Variants in OCIAD1 observed in about 807,000 individuals in gnomAD.
OCIAD1 encodes the protein OCIA domain containing 1, also known as OCIA domain-containing protein 1.
Under a neutral mutation model 38.9 loss-of-function variants are expected in OCIAD1, and 29 were observed. That is an observed-to-expected ratio of 0.74 (90% CI 0.55 to 1.02). The LOEUF is 1.02. Among genes scored for constraint, OCIAD1 ranks in the 50% least tolerant of loss-of-function variants. The probability of loss-of-function intolerance (pLI) is 0.00; values close to 1 mark genes in which losing one functional copy is unlikely to be tolerated. For synonymous variants in OCIAD1, 110 were observed against 92.0 expected (o/e 1.20, Z -1.12); for missense variants, 288 against 289.6 (o/e 0.99, Z 0.04).
intron 1 of OCIAD1, among the ~76,000 whole-genome samples, chr4:48,805,972 T>C (rs1282381493): frequency 6.6e-6 from 1 of 152,164 alleles, no homozygotes; most frequent in African/African-American, 2.4e-5. Flanking sequence ...CATTTAAATT[T>C]GGAAAAACAG....
At chr4:48,842,851 G>C (rs981224392) in intron 4 of OCIAD1, among the ~76,000 whole-genome samples, 162 bp downstream of exon 4, 2 of 152,090 alleles carry the variant, frequency 1.3e-5, no homozygotes, top group African/African-American at 4.8e-5. Context: ...TGGACCCACT[G>C]GCTCAAATAT....
chr4:48,857,171 C>T (rs768141099), intron 7 of OCIAD1, 42 bp from the exon 8 acceptor site: 1 of 1,336,628 alleles, frequency 7.5e-7, no homozygotes, highest in South Asian at 1.9e-5. Flanking sequence ...TAGAGTTATA[C>T]AAATCCTTTT....
chr4:48,827,700 T>G (rs1395521260), upstream of OCIAD1, among the ~76,000 whole-genome samples: 3 of 152,244 alleles, frequency 2.0e-5, no homozygotes, highest in Admixed American at 1.3e-4. Context: ...CTCAATTTAT[T>G]GATTAATTGC....
At chr4:48,844,417 C>T (rs1778802327) in intron 4 of OCIAD1, among the ~76,000 whole-genome samples, 3 of 151,874 alleles carry the variant, frequency 2.0e-5, no homozygotes, top group Non-Finnish European at 2.9e-5. Flanking sequence ...AAATCGAGAC[C>T]GTCCTGGCCA....
At chr4:48,813,662 GAAAC>G (rs1777113799) in intron 1 of OCIAD1, among the ~76,000 whole-genome samples, 1 of 152,150 alleles carries the variant, frequency 6.6e-6, no homozygotes, top group African/African-American at 2.4e-5. Context: ...TCCCAAAGGG[GAAAC>G]AAACAAACAA....
chr4:48,844,209 A>T (rs1330161904), intron 4 of OCIAD1, among the ~76,000 whole-genome samples: 7 of 152,212 alleles, frequency 4.6e-5, no homozygotes, highest in South Asian at 2.1e-4. Context: ...CTGAAGAGAC[A>T]AAATCATGCA....
rs371781562 is a variant in OCIAD1, at chr4:48,811,314, A to G, written c.-103+5984A>G. Among the ~76,000 whole-genome samples the G allele has an allele frequency of 2.0e-4, 30 of 152,340 alleles. No individual in the cohort carries two copies. The South Asian group carries it at 4.6e-3, about 23-fold the overall frequency. On this transcript the variant is annotated intron_variant, in intron 1 of 6. Transcript: ENST00000504654. ...GTGATCTTGTTAAAATCCAAGTCAG[A>G]TAGCCACTCCTTTGCTCAGACCCTC...
At chr4:48,838,346 T>C in intron 3 of OCIAD1, among the ~76,000 whole-genome samples, 1 of 150,392 alleles carries the variant, frequency 6.6e-6, no homozygotes, top group Admixed American at 6.6e-5. Context: ...AAAAAGCATG[T>C]GATAAGGACA....
At chr4:48,828,097 G>A (rs1263673897), upstream of OCIAD1, among the ~76,000 whole-genome samples, 1 of 152,048 alleles carries the variant, frequency 6.6e-6, no homozygotes, top group Admixed American at 6.6e-5. Context: ...ATCTAGTGGG[G>A]ACTTGGAGAA....
At chr4:48,825,927 T>A (rs1300565728) in intron 1 of OCIAD1, among the ~76,000 whole-genome samples, 1 of 152,042 alleles carries the variant, frequency 6.6e-6, no homozygotes, top group Non-Finnish European at 1.5e-5. Context: ...AACCTCCACC[T>A]CCTGGGTTCA....
At chr4:48,812,810 G>C (rs1433567092) in intron 1 of OCIAD1, among the ~76,000 whole-genome samples, 3 of 152,176 alleles carry the variant, frequency 2.0e-5, no homozygotes, top group Non-Finnish European at 4.4e-5. Flanking sequence ...AAAGCTTTGG[G>C]ATTTTTCTTG....
intron 7 of OCIAD1, among the ~76,000 whole-genome samples, chr4:48,852,882 G>GTTTTTTTTTT (rs1439653723): frequency 1.6e-5 from 2 of 126,332 alleles, no homozygotes; most frequent in African/African-American, 3.2e-5. Context: ...TTTGTTTTTT[G>GTTTTTTTTTT]TTTTTTTTTT....
chr4:48,843,261 T>C (rs1167059400), intron 4 of OCIAD1, among the ~76,000 whole-genome samples: 1 of 152,144 alleles, frequency 6.6e-6, no homozygotes, highest in Non-Finnish European at 1.5e-5. Flanking sequence ...TGAGTTTAGA[T>C]TGAGTATTAA....
At chr4:48,825,678 T>C (rs927750261) in intron 1 of OCIAD1, among the ~76,000 whole-genome samples, 1 of 152,170 alleles carries the variant, frequency 6.6e-6, no homozygotes, top group Non-Finnish European at 1.5e-5. Flanking sequence ...GCTTGTGGCA[T>C]ACCTATAACA....
upstream of OCIAD1, among the ~76,000 whole-genome samples, chr4:48,829,652 AC>A (rs1390121014): frequency 2.0e-5 from 3 of 152,338 alleles, no homozygotes; most frequent in East Asian, 5.8e-4. Context: ...GAAGTCTCAG[AC>A]AAAAAGCCAC....
At chr4:48,828,837 T>C (rs781262491), upstream of OCIAD1, among the ~76,000 whole-genome samples, 1 of 152,210 alleles carries the variant, frequency 6.6e-6, no homozygotes, top group Non-Finnish European at 1.5e-5. Context: ...AGCTTCATTC[T>C]TGAAGTCAGT....
At chr4:48,823,449 C>T (rs1197216851) in intron 1 of OCIAD1, among the ~76,000 whole-genome samples, 15 of 151,586 alleles carry the variant, frequency 9.9e-5, no homozygotes, top group Admixed American at 3.9e-4. Context: ...ATGGATGCGG[C>T]GTTTAAAACC....
intron 1 of OCIAD1, among the ~76,000 whole-genome samples, chr4:48,812,319 AAAG>A (rs1441506281): frequency 1.3e-5 from 2 of 148,822 alleles, no homozygotes; most frequent in Admixed American, 6.7e-5. Flanking sequence ...AAAAAAAAGA[AAAG>A]AAAAAGAAAA....
chr4:48,852,237 TATAGAA>T (rs1779550285), intron 7 of OCIAD1: 1 of 330,640 alleles, frequency 3.0e-6, no homozygotes, highest in Admixed American at 4.8e-5. Context: ...TGTTAGAAGA[TATAGAA>T]ATACAAGGAT....
Sources: allele counts gnomAD v4.1 joint callset (sites outside exome capture counted in the v4.1 genomes callset), GRCh38; gene constraint gnomAD v4.1.1; transcripts MANE v1.5; gene names NCBI Gene and HGNC (gene_info 2026-07-23, HGNC 2026-07-21).